Variants in AGBL4 observed in about 807,000 individuals in gnomAD.
The protein encoded by AGBL4 is cytosolic carboxypeptidase 6.
In AGBL4, 58 loss-of-function variants were observed where a neutral mutation model predicts 66.4. The ratio of observed to expected loss-of-function variants is 0.87; its 90% CI spans 0.71 to 1.09. AGBL4 has a LOEUF of 1.09. Among genes scored for constraint, AGBL4 ranks in the 50% least tolerant of loss-of-function variants. The pLI, the probability that AGBL4 is intolerant of heterozygous loss-of-function variation, is 0.00. For missense variants in AGBL4, 579 were observed against 631.0 expected, an observed-to-expected ratio of 0.92 and a Z score of 0.88; for synonymous variants, 234 against 222.9, an observed-to-expected ratio of 1.05 and a Z score of -0.44.
At chr1:49,938,788 T>C (rs1654400680) in intron 1 of AGBL4, among the ~76,000 whole-genome samples, 1 of 152,018 alleles carries the variant, frequency 6.6e-6, no homozygotes, top group Non-Finnish European at 1.5e-5. Flanking sequence ...TTTAAGAAAA[T>C]TCAACAACGC....
At chr1:48,884,666 T>C (rs1410516744) in intron 5 of AGBL4, among the ~76,000 whole-genome samples, 1 of 152,196 alleles carries the variant, frequency 6.6e-6, no homozygotes, top group African/African-American at 2.4e-5. Flanking sequence ...AGACAAGACA[T>C]GCTTTTCTTC....
intron 2 of AGBL4, among the ~76,000 whole-genome samples, chr1:49,824,150 A>C (rs1645444296): frequency 6.6e-6 from 1 of 152,166 alleles, no homozygotes; most frequent in Non-Finnish European, 1.5e-5. Context: ...CAGAAGTTGC[A>C]GTGAGCCGAG....
At chr1:49,147,218 T>C (rs188187011) in intron 4 of AGBL4, among the ~76,000 whole-genome samples, 3 of 152,184 alleles carry the variant, frequency 2.0e-5, no homozygotes, top group African/African-American at 4.8e-5. Context: ...TAGGACACAA[T>C]TGCCTGAACT....
intron 6 of AGBL4, among the ~76,000 whole-genome samples, chr1:48,821,476 G>C (rs1646311641): frequency 6.6e-6 from 1 of 152,152 alleles, no homozygotes; most frequent in Non-Finnish European, 1.5e-5. Context: ...ATATTCCTAA[G>C]TGAAATAACT....
Position 49,045,588 on chromosome 1 carries a change from C to A in AGBL4, c.590G>T (p.Ser197Ile). ...CAAACCTGGCACAGGCCTTACCACA[C>A]TCTGGCCCAGCTGCTCCCGAAAGAA... ...DYFFREQLGQ[S>I]VQQRKLDLLT... Residue 197 changes from serine to isoleucine, a missense_variant, in exon 5 of 14, where the codon AGT becomes ATT. Transcript: ENST00000371839. 6.2e-7 allele frequency: 1 copy of A among 1,604,358 alleles called. No individual in the cohort carries two copies. The highest frequency in any genetic ancestry group is 8.5e-7 in the Non-Finnish European group (1 of 1,175,188).
intron 4 of AGBL4, among the ~76,000 whole-genome samples, chr1:49,056,103 T>C (rs1255299622): frequency 6.6e-6 from 1 of 152,126 alleles, no homozygotes; most frequent in Non-Finnish European, 1.5e-5. Flanking sequence ...ATCCAGGCAA[T>C]TGTATAAATC....
intron 3 of AGBL4, among the ~76,000 whole-genome samples, chr1:49,387,778 G>A (rs992117777): frequency 4.0e-5 from 6 of 151,832 alleles, no homozygotes; most frequent in South Asian, 2.1e-4. Context: ...CATTATTAAC[G>A]TGATCATATG....
intron 6 of AGBL4, among the ~76,000 whole-genome samples, chr1:48,789,350 C>G (rs1015736565): frequency 2.0e-5 from 3 of 151,442 alleles, no homozygotes; most frequent in South Asian, 4.2e-4. Flanking sequence ...GTGCAGTGGC[C>G]CAATCTCGGC....
intron 4 of AGBL4, among the ~76,000 whole-genome samples, chr1:49,145,672 A>G (rs867735060): frequency 5.3e-5 from 8 of 152,172 alleles, no homozygotes; most frequent in Admixed American, 1.3e-4. Flanking sequence ...CACAGTGAGT[A>G]AGAACCTCGA....
At chr1:48,579,884 C>T (rs1478686666) in intron 11 of AGBL4, among the ~76,000 whole-genome samples, 1 of 142,368 alleles carries the variant, frequency 7.0e-6, no homozygotes, top group African/African-American at 2.6e-5. Flanking sequence ...TGCCACTGCA[C>T]TCCAGCCTGG....
At chr1:48,756,269 T>C (rs1259598615) in intron 6 of AGBL4, among the ~76,000 whole-genome samples, 1 of 152,236 alleles carries the variant, frequency 6.6e-6, no homozygotes, top group Non-Finnish European at 1.5e-5. Flanking sequence ...AAAAGTTGTT[T>C]CCTTCAGGAA....
At chr1:48,944,677 G>A (rs1191287447) in intron 5 of AGBL4, among the ~76,000 whole-genome samples, 1 of 151,872 alleles carries the variant, frequency 6.6e-6, no homozygotes, top group Non-Finnish European at 1.5e-5. Flanking sequence ...TCTGCAAACT[G>A]CCCCCCGCAA....
intron 3 of AGBL4, among the ~76,000 whole-genome samples, chr1:49,325,844 C>G (rs144650345): frequency 6.6e-6 from 1 of 152,094 alleles, no homozygotes; most frequent in South Asian, 2.1e-4. Context: ...CTCATTAGAT[C>G]CGATCATTTA....
chr1:48,782,382 C>G (rs1201948881), intron 6 of AGBL4, among the ~76,000 whole-genome samples: 1 of 152,182 alleles, frequency 6.6e-6, no homozygotes, highest in Non-Finnish European at 1.5e-5. Context: ...GAAGCATGTT[C>G]AGTGGCAGCA....
chr1:48,548,665 G>C (rs1024339537), intron 11 of AGBL4, among the ~76,000 whole-genome samples: 2 of 152,156 alleles, frequency 1.3e-5, no homozygotes, highest in Admixed American at 1.3e-4. Context: ...ACTCCCTGCA[G>C]CTCTTCTAGA....
intron 3 of AGBL4, among the ~76,000 whole-genome samples, chr1:49,302,595 AT>A (rs1444076928): frequency 1.7e-5 from 2 of 118,200 alleles, no homozygotes; most frequent in East Asian, 2.2e-4. Context: ...TTTATTTTAT[AT>A]TTTATTTTAT....
intron 5 of AGBL4, among the ~76,000 whole-genome samples, chr1:49,001,615 C>G (rs566465716): frequency 6.6e-6 from 1 of 152,288 alleles, no homozygotes; most frequent in Admixed American, 6.5e-5. Context: ...GGTGTCAGCT[C>G]TAAGTCCTGA....
chr1:49,830,599 C>T (rs1273057325), intron 2 of AGBL4, among the ~76,000 whole-genome samples: 2 of 152,110 alleles, frequency 1.3e-5, no homozygotes, highest in Non-Finnish European at 2.9e-5. Context: ...TGTGCAGAAG[C>T]TCTTTAGTTT....
intron 1 of AGBL4, among the ~76,000 whole-genome samples, chr1:49,951,288 A>G (rs1315562786): frequency 1.3e-5 from 2 of 151,908 alleles, no homozygotes; most frequent in African/African-American, 4.8e-5. Context: ...CAGAATCAAC[A>G]TGGAGTCACT....
Sources: allele counts gnomAD v4.1 joint callset (sites outside exome capture counted in the v4.1 genomes callset), GRCh38; gene constraint gnomAD v4.1.1; transcripts MANE v1.5; gene names NCBI Gene and HGNC (gene_info 2026-07-23, HGNC 2026-07-21).